Variants in CACNB2 observed in about 807,000 individuals in gnomAD.
The protein encoded by CACNB2 is voltage-dependent L-type calcium channel subunit beta-2.
Under a neutral mutation model 73.3 loss-of-function variants are expected in CACNB2, and 42 were observed. That is an observed-to-expected ratio of 0.57 (90% CI 0.45 to 0.74). The LOEUF is 0.74. Among genes scored for constraint, CACNB2 ranks in the 30% least tolerant of loss-of-function variants. The pLI is 0.00. For synonymous variants in CACNB2, 348 were observed against 310.3 expected, an observed-to-expected ratio of 1.12 and a Z score of -1.28; for missense variants, 940 against 853.0, an observed-to-expected ratio of 1.10 and a Z score of -1.27.
Position 18,538,381 on chromosome 10 carries a change from A to C in CACNB2, c.1488+16A>C. ...TAATTCACAGGTAAGGGGAGTTTTT[A>C]TATATATCTATATATACAATCTTCA... On this transcript the variant is annotated intron_variant, in intron 13 of 13. Transcript: ENST00000324631. The C allele has an allele frequency of 1.9e-6, 3 of 1,604,394 alleles. No individual in the cohort carries two copies. Among genetic ancestry groups the C allele is most frequent in the Non-Finnish European group, 2.6e-6 (3 of 1,171,406 alleles).
At chr10:18,335,354 C>T (rs1460407797) in intron 2 of CACNB2, among the ~76,000 whole-genome samples, 1 of 152,156 alleles carries the variant, frequency 6.6e-6, no homozygotes, top group Non-Finnish European at 1.5e-5. Flanking sequence ...GTGGGCAGAT[C>T]ACTTGAGGCC....
chr10:18,168,837 A>G (rs2033043994), intron 2 of CACNB2, among the ~76,000 whole-genome samples: 1 of 152,216 alleles, frequency 6.6e-6, no homozygotes. Context: ...CTCCTTGTGA[A>G]TGATTTTTAA....
chr10:18,199,976 T>TGTGTGA (rs1554768694), intron 2 of CACNB2, among the ~76,000 whole-genome samples: 1 of 143,200 alleles, frequency 7.0e-6, no homozygotes, highest in Non-Finnish European at 1.5e-5. Flanking sequence ...TGTGTGTGTG[T>TGTGTGA]GTGTGTGTCT....
At chr10:18,330,077 G>T (rs1056767019) in intron 2 of CACNB2, among the ~76,000 whole-genome samples, 2 of 152,114 alleles carry the variant, frequency 1.3e-5, no homozygotes, top group Non-Finnish European at 2.9e-5. Context: ...CTGACCTCAA[G>T]TGATCCACCC....
chr10:18,490,750 C>T (rs1018123911), intron 3 of CACNB2, among the ~76,000 whole-genome samples: 6 of 151,040 alleles, frequency 4.0e-5, no homozygotes, highest in East Asian at 2.0e-4. Flanking sequence ...AGGATCCTAC[C>T]TAGGGCTGTG....
chr10:18,320,208 C>T (rs1056302254), intron 2 of CACNB2, among the ~76,000 whole-genome samples: 1 of 152,144 alleles, frequency 6.6e-6, no homozygotes, highest in Non-Finnish European at 1.5e-5. Flanking sequence ...CCTTTTATAC[C>T]CAATCCTCAT....
At chr10:18,398,942 G>A (rs887140064) in intron 2 of CACNB2, among the ~76,000 whole-genome samples, 19 of 152,140 alleles carry the variant, frequency 1.2e-4, no homozygotes, top group African/African-American at 4.6e-4. Context: ...AGCTCCATCT[G>A]AATATTAGCA....
At chr10:18,177,970 G>A (rs2033691534) in intron 2 of CACNB2, among the ~76,000 whole-genome samples, 1 of 152,146 alleles carries the variant, frequency 6.6e-6, no homozygotes, top group Non-Finnish European at 1.5e-5. Flanking sequence ...CATATCATAT[G>A]CATTTTGCAG....
chr10:18,458,274 A>G (rs562337995), intron 3 of CACNB2, among the ~76,000 whole-genome samples: 18 of 152,244 alleles, frequency 1.2e-4, no homozygotes, highest in Non-Finnish European at 2.4e-4. Context: ...TTCAAGTTCA[A>G]AAACAAATTT....
intron 2 of CACNB2, among the ~76,000 whole-genome samples, chr10:18,357,233 G>A (rs534078772): frequency 2.6e-5 from 4 of 152,134 alleles, no homozygotes; most frequent in South Asian, 4.2e-4. Context: ...GTGAGCCACC[G>A]CGCCCGGCTG....
chr10:18,392,662 T>C (rs2043533687), intron 2 of CACNB2, among the ~76,000 whole-genome samples: 1 of 152,174 alleles, frequency 6.6e-6, no homozygotes, highest in African/African-American at 2.4e-5. Context: ...AATGATTCAA[T>C]AGAAAAACCC....
chr10:18,437,003 A>G (rs1649874033), intron 3 of CACNB2, among the ~76,000 whole-genome samples: 1 of 152,218 alleles, frequency 6.6e-6, no homozygotes, highest in Non-Finnish European at 1.5e-5. Flanking sequence ...ATGGGCCTGC[A>G]TGATGTCAAT....
At chr10:18,531,250 CTGTTTTT>C (rs1002898832) in intron 10 of CACNB2, among the ~76,000 whole-genome samples, 133 of 152,242 alleles carry the variant, frequency 8.7e-4, no homozygotes, top group African/African-American at 3.1e-3. Context: ...AAGTTAACTT[CTGTTTTT>C]TGTTTTTTAA....
intron 5 of CACNB2, among the ~76,000 whole-genome samples, chr10:18,503,314 T>G (rs1345757321): frequency 6.6e-6 from 1 of 152,144 alleles, no homozygotes; most frequent in African/African-American, 2.4e-5. Context: ...TGAAACCTTA[T>G]GGCCAAGCAC....
intron 2 of CACNB2, among the ~76,000 whole-genome samples, chr10:18,349,228 G>T (rs1564457465): frequency 6.6e-6 from 1 of 152,216 alleles, no homozygotes; most frequent in African/African-American, 2.4e-5. Context: ...TCCCCATACA[G>T]CCTCCACTTG....
chr10:18,141,282 C>T, intron 1 of CACNB2: 1 of 1,338,238 alleles, frequency 7.5e-7, no homozygotes, highest in Non-Finnish European at 1.0e-6. Flanking sequence ...ACTCTCCTGG[C>T]CACGCTCCGA....
At chr10:18,336,790 C>T (rs978684176) in intron 2 of CACNB2, among the ~76,000 whole-genome samples, 2 of 152,160 alleles carry the variant, frequency 1.3e-5, no homozygotes, top group Non-Finnish European at 2.9e-5. Context: ...TATCCTAACC[C>T]ATAATAAATG....
chr10:18,292,434 G>C (rs2039102771), intron 2 of CACNB2, among the ~76,000 whole-genome samples: 2 of 152,194 alleles, frequency 1.3e-5, no homozygotes, highest in African/African-American at 2.4e-5. Flanking sequence ...GAGGCGGGCA[G>C]ATCACGAGGT....
intron 3 of CACNB2, among the ~76,000 whole-genome samples, chr10:18,442,908 C>T (rs1218266337): frequency 1.1e-5 from 1 of 91,972 alleles, no homozygotes; most frequent in African/African-American, 5.0e-5. Context: ...CATGTAAAAA[C>T]AATATATATA....
Sources: gnomAD v4.1 joint callset for allele counts (sites outside exome capture counted in the v4.1 genomes callset) on GRCh38, gnomAD v4.1.1 for gene constraint, MANE v1.5 for transcripts, NCBI Gene and HGNC (gene_info 2026-07-23, HGNC 2026-07-21) for gene names.